Variants in HOMER1 observed in about 807,000 individuals in gnomAD.
The protein encoded by HOMER1 is homer protein homolog 1.
In HOMER1, 3 loss-of-function variants were observed where a neutral mutation model predicts 48.9. The observed-to-expected ratio is 0.06, with a 90% CI of 0.03 to 0.16. The LOEUF (loss-of-function observed/expected upper bound fraction) is 0.16. Among genes scored for constraint, HOMER1 ranks in the 10% least tolerant of loss-of-function variants. The pLI is 1.00. For synonymous variants in HOMER1, 134 were observed against 146.4 expected, an observed-to-expected ratio of 0.92 and a Z score of 0.61; for missense variants, 247 against 411.4, an observed-to-expected ratio of 0.60 and a Z score of 3.46.
Position 79,513,432 on chromosome 5 carries a change from G to A in HOMER1, c.-658C>T, listed in dbSNP as rs886607346. The A allele has an allele frequency of 3.3e-5, 5 of 152,610 alleles. No individual in the cohort carries two copies. Among genetic ancestry groups the A allele is most frequent in the Admixed American group, 2.0e-4 (3 of 15,288 alleles). 9.5% of individuals were successfully genotyped at this position (152,610 alleles called of 1,614,324 possible). On this transcript the variant is annotated 5_prime_UTR_variant, in exon 1 of 9. Coordinates refer to ENST00000334082, the MANE Select transcript of HOMER1 (RefSeq NM_004272.5). ...CTCCTAAGACTCGGAGCAGAGAAGA[G>A]GTGGGGAGGACGAAGAGAAGGCTAG...
At chr5:79,495,072 T>C (rs1752383989) in intron 1 of HOMER1, among the ~76,000 whole-genome samples, 1 of 152,202 alleles carries the variant, frequency 6.6e-6, no homozygotes, top group East Asian at 1.9e-4. Context: ...AATATCTATA[T>C]ATATTAACAC....
intron 1 of HOMER1, among the ~76,000 whole-genome samples, chr5:79,508,629 G>T (rs1462655326): frequency 6.6e-6 from 1 of 152,114 alleles, no homozygotes; most frequent in Non-Finnish European, 1.5e-5. Flanking sequence ...TCTCTGCCTT[G>T]AATGCCCTCT....
At chr5:79,485,921 G>A (rs1752087056) in intron 1 of HOMER1, among the ~76,000 whole-genome samples, 1 of 152,126 alleles carries the variant, frequency 6.6e-6, no homozygotes, top group South Asian at 2.1e-4. Flanking sequence ...AAGCCTGAGT[G>A]GGCCTTTGTG....
intron 1 of HOMER1, among the ~76,000 whole-genome samples, chr5:79,476,216 G>C (rs923657043): frequency 2.0e-5 from 3 of 151,962 alleles, no homozygotes; most frequent in Admixed American, 2.0e-4. Flanking sequence ...AAAATGAAAG[G>C]GTTCTAAGAA....
At chr5:79,511,402 T>C (rs958444960) in intron 1 of HOMER1, among the ~76,000 whole-genome samples, 1 of 152,220 alleles carries the variant, frequency 6.6e-6, no homozygotes, top group African/African-American at 2.4e-5. Flanking sequence ...ATCATTAAAA[T>C]GAGGAGGAGA....
In HOMER1 at chr5:79,512,932, C is replaced by G. The variant is rs1355801122; in HGVS notation, c.-158G>C. On this transcript the variant is annotated 5_prime_UTR_variant, in exon 1 of 9. Transcript: ENST00000334082. Reference sequence around the variant, plus strand: ...AAGGATGCTGCCAATTCAATTAGTTCTCTTAGGTAAAATGATTTCTCTCTT... The same window carrying G: ...AAGGATGCTGCCAATTCAATTAGTTGTCTTAGGTAAAATGATTTCTCTCTT... 1 of 657,184 alleles carries G rather than the reference C, an allele frequency of 1.5e-6. No homozygotes were observed. Among genetic ancestry groups the G allele is most frequent in the African/African-American group, 1.8e-5 (1 of 54,574 alleles). The allele number at this position is 657,184 out of a possible 1,614,324, so 40.7% of individuals were successfully genotyped here.
intron 1 of HOMER1, among the ~76,000 whole-genome samples, chr5:79,475,241 C>T (rs532518004): frequency 6.6e-6 from 1 of 152,154 alleles, no homozygotes; most frequent in East Asian, 1.9e-4. Context: ...TATAACTGCT[C>T]AAGATGACAC....
intron 5 of HOMER1, among the ~76,000 whole-genome samples, chr5:79,419,907 T>C (rs1480549703): frequency 2.6e-5 from 4 of 152,230 alleles, no homozygotes; most frequent in Admixed American, 6.5e-5. Flanking sequence ...GAGAACTATA[T>C]GACAAATTTC....
At chr5:79,492,907 CTTTTTTTTTTTT>C (rs558428061) in intron 1 of HOMER1, among the ~76,000 whole-genome samples, 1 of 84,030 alleles carries the variant, frequency 1.2e-5, no homozygotes, top group Non-Finnish European at 2.3e-5. Context: ...AAAACTTTGT[CTTTTTTTTTTTT>C]TTTTTTTTTT....
At position 79,379,102 on chromosome 5, in the gene HOMER1, AT is replaced by A. The variant is rs1374014522; in HGVS notation, c.877-2906del. On this transcript the variant is annotated intron_variant, in intron 8 of 8. Transcript: ENST00000334082. ...TCCATATATATATATATATATATAT[AT>A]ATATATATATAAAATATATAAATAT... Among the ~76,000 whole-genome samples, 220 of 59,444 alleles carry A rather than the reference AT, an allele frequency of 3.7e-3. 17 individuals carry two copies. The highest frequency in any genetic ancestry group is 0.022 in the African/African-American group (211 of 9,522). 39.0% of individuals were successfully genotyped at this position (59,444 alleles called of 152,430 possible). A position where few individuals can be genotyped will look rare whatever the true frequency, so the allele number is the denominator to read the frequency against.
At chr5:79,441,357 G>C (rs73773705) in intron 4 of HOMER1, among the ~76,000 whole-genome samples, 10,318 of 151,974 alleles carry the variant, frequency 0.068, 913 homozygotes, top group African/African-American at 0.2. Context: ...AAATGCTCCG[G>C]TCACTTTGAG....
chr5:79,401,720 C>T (rs1749541299), intron 6 of HOMER1, among the ~76,000 whole-genome samples, 179 bp downstream of exon 6: 1 of 152,166 alleles, frequency 6.6e-6, no homozygotes, highest in Non-Finnish European at 1.5e-5. Context: ...ATTCTTCATT[C>T]TCATTAAACT....
chr5:79,442,676 A>G (rs752475772), intron 4 of HOMER1, among the ~76,000 whole-genome samples: 1 of 152,232 alleles, frequency 6.6e-6, no homozygotes, highest in Non-Finnish European at 1.5e-5. Flanking sequence ...ACAAACATTC[A>G]TGGAAGACTC....
chr5:79,447,073 G>A lies in HOMER1; in HGVS notation c.367C>T (p.Leu123Phe), dbSNP rs770891614. 4 of 1,607,782 alleles carry A rather than the reference G, an allele frequency of 2.5e-6. No individual in the cohort carries two copies. The highest frequency in any genetic ancestry group is 1.3e-5 in the African/African-American group (1 of 74,786). The change falls in exon 4 of 9, where the codon CTT (leucine) becomes TTT (phenylalanine). Residue 123 changes from leucine to phenylalanine, a missense_variant. Leu to Phe is a conservative substitution (Grantham distance 22, BLOSUM62 0). Coordinates refer to ENST00000334082, the MANE Select transcript of HOMER1 (RefSeq NM_004272.5). ...AKEKSQEKME[L>F]TSTPSQESAG... ...CCCACCTGTGAAGGTGTACTGGTAA[G>A]TTCCATCTTCTCTTGTGATTTTTCC...
At chr5:79,418,620 T>TGTCATGTATGATATC (rs1223780334) in intron 5 of HOMER1, among the ~76,000 whole-genome samples, 1 of 152,226 alleles carries the variant, frequency 6.6e-6, no homozygotes, top group Non-Finnish European at 1.5e-5. Context: ...TGTATGACAT[T>TGTCATGTATGATATC]GTCATGTATG....
rs76445162 is a variant in HOMER1, at chr5:79,384,629, T to C, written c.877-8432A>G. Among the ~76,000 whole-genome samples, 396 of 152,218 alleles carry C rather than the reference T, an allele frequency of 2.6e-3. 1 individual carries two copies. The highest frequency in any genetic ancestry group is 8.7e-3 in the African/African-American group (361 of 41,542). On this transcript the variant is annotated intron_variant, in intron 8 of 8. Coordinates refer to ENST00000334082, the MANE Select transcript of HOMER1 (RefSeq NM_004272.5). ...CATAAAAATTGAAGAGGAGGGAACT[T>C]TTCCTAACTTATTCTATGAGGCCAG...
chr5:79,462,720 C>T (rs1258763000), intron 1 of HOMER1, among the ~76,000 whole-genome samples: 1 of 152,196 alleles, frequency 6.6e-6, no homozygotes. Flanking sequence ...ACATTCATCA[C>T]TTGGATAGCT....
chr5:79,474,339 T>TA (rs1751700670), intron 1 of HOMER1, among the ~76,000 whole-genome samples: 2 of 148,706 alleles, frequency 1.3e-5, no homozygotes, highest in South Asian at 4.2e-4. Context: ...AGGCATGAGC[T>TA]ACTGCTCCTG....
At chr5:79,444,478 T>C (rs769824371) in intron 4 of HOMER1, among the ~76,000 whole-genome samples, 8 of 152,270 alleles carry the variant, frequency 5.3e-5, no homozygotes, top group Non-Finnish European at 7.3e-5. Flanking sequence ...GGCTCTCAAA[T>C]AGTGATGAAC....
Sources: gnomAD v4.1 joint callset for allele counts (sites outside exome capture counted in the v4.1 genomes callset) on GRCh38, gnomAD v4.1.1 for gene constraint, MANE v1.5 for transcripts, NCBI Gene and HGNC (gene_info 2026-07-23, HGNC 2026-07-21) for gene names.